Variants in LPIN1 observed in about 807,000 individuals in gnomAD.
LPIN1 encodes phosphatidate phosphatase LPIN1.
Under a neutral mutation model 107.5 loss-of-function variants are expected in LPIN1, and 71 were observed. That is an observed-to-expected ratio of 0.66 (90% CI 0.55 to 0.80). The LOEUF is 0.80. Among genes scored for constraint, LPIN1 ranks in the 30% least tolerant of loss-of-function variants. The probability of loss-of-function intolerance (pLI) is 0.00; values close to 1 mark genes in which losing one functional copy is unlikely to be tolerated. For synonymous variants in LPIN1, 445 were observed against 452.6 expected (o/e 0.98, Z 0.21); for missense variants, 1,043 against 1,160.6 (o/e 0.90, Z 1.47).
At chr2:11,713,718 A>T in intron 1 of LPIN1, 1 of 1,241,214 alleles carries the variant, frequency 8.1e-7, no homozygotes, top group African/African-American at 1.5e-5. Flanking sequence ...ATTCCAGAAC[A>T]TTTCTATTAA....
At chr2:11,679,093 C>G (rs191364100) in intron 1 of LPIN1, among the ~76,000 whole-genome samples, 1 of 152,226 alleles carries the variant, frequency 6.6e-6, no homozygotes, top group African/African-American at 2.4e-5. Context: ...TCTCATGCCC[C>G]GCAGGACTGA....
rs1039266461 is a variant in LPIN1 at position 11,785,001 on chromosome 2, G to A, written c.1474G>A (p.Asp492Asn). Residue 492 changes from aspartate to asparagine, a missense_variant, in exon 10 of 21, where the codon GAC becomes AAC. Coordinates refer to ENST00000674199, the MANE Select transcript of LPIN1 (RefSeq NM_001349206.2). ...GVDSGVESTS[D>N]GLRDLPSIAI... is the part of the protein sequence containing the mutation. Reference sequence around the variant, plus strand: ...GGACAGTGGCGTGGAGAGCACCTCGGACGGGCTGAGGGACCTCCCTTCCAT... The same window carrying A: ...GGACAGTGGCGTGGAGAGCACCTCGAACGGGCTGAGGGACCTCCCTTCCAT... 4 of 1,613,218 alleles carry A rather than the reference G, an allele frequency of 2.5e-6. No individual in the cohort carries two copies. The highest frequency in any genetic ancestry group is 3.4e-6 in the Non-Finnish European group (4 of 1,179,676).
intron 13 of LPIN1, chr2:11,792,376 C>A: frequency 4.2e-6 from 1 of 236,300 alleles, no homozygotes; most frequent in Non-Finnish European, 8.5e-6. Flanking sequence ...TCTTTTTCTC[C>A]CCTCCCCTCC....
chr2:11,762,585 C>T (rs894057949), intron 1 of LPIN1, among the ~76,000 whole-genome samples: 1 of 152,126 alleles, frequency 6.6e-6, no homozygotes, highest in South Asian at 2.1e-4. Flanking sequence ...TGACAGAAGA[C>T]ACTCCTTTCA....
At chr2:11,688,288 C>T (rs1662105230) in intron 1 of LPIN1, among the ~76,000 whole-genome samples, 2 of 152,182 alleles carry the variant, frequency 1.3e-5, no homozygotes, top group African/African-American at 2.4e-5. Flanking sequence ...CCAGCTCCAC[C>T]CTCCCTCTCC....
At chr2:11,782,634 C>A in intron 8 of LPIN1, 127 bp downstream of exon 8, 1 of 1,041,126 alleles carries the variant, frequency 9.6e-7, no homozygotes, top group South Asian at 1.4e-5. Context: ...TGATCATGTT[C>A]AGTCTGAGCT....
chr2:11,720,982 C>T (rs1664091503), upstream of LPIN1, among the ~76,000 whole-genome samples: 1 of 152,088 alleles, frequency 6.6e-6, no homozygotes, highest in African/African-American at 2.4e-5. Flanking sequence ...CTGCCTCCCT[C>T]TCTTCCATTT....
chr2:11,695,342 C>T (rs762403714), intron 1 of LPIN1, among the ~76,000 whole-genome samples: 19 of 152,254 alleles, frequency 1.2e-4, no homozygotes, highest in Non-Finnish European at 1.9e-4. Flanking sequence ...CAACCATGGT[C>T]GGCAGCTTCA....
chr2:11,734,104 C>A (rs1391987132), intron 1 of LPIN1, among the ~76,000 whole-genome samples: 4 of 152,194 alleles, frequency 2.6e-5, no homozygotes, highest in Non-Finnish European at 2.9e-5. Context: ...TCAAAACAGA[C>A]CAGTTTGTAT....
At chr2:11,784,648 A>C (rs902350788) in intron 9 of LPIN1, 1 of 588,738 alleles carries the variant, frequency 1.7e-6, no homozygotes, top group East Asian at 3.0e-5. Context: ...CTTCTTCTTC[A>C]GTATATTTTA....
intron 20 of LPIN1, among the ~76,000 whole-genome samples, 173 bp downstream of exon 20, chr2:11,820,687 A>C (rs1388150148): frequency 1.3e-5 from 2 of 152,256 alleles, no homozygotes; most frequent in East Asian, 3.8e-4. Flanking sequence ...CATAATTTTT[A>C]GACAACTGGA....
chr2:11,713,942 G>A (rs925150703), intron 2 of LPIN1: 25 of 585,130 alleles, frequency 4.3e-5, no homozygotes, highest in Non-Finnish European at 6.5e-5. Flanking sequence ...ATTCCTTTCC[G>A]CTGATGCTTT....
At chr2:11,688,888 T>C (rs1352669019) in intron 1 of LPIN1, among the ~76,000 whole-genome samples, 1 of 152,186 alleles carries the variant, frequency 6.6e-6, no homozygotes, top group East Asian at 1.9e-4. Flanking sequence ...TGATAGGCAC[T>C]TCGCAGTTAA....
At chr2:11,784,083 T>C in intron 9 of LPIN1, 161 bp downstream of exon 9, 1 of 1,205,872 alleles carries the variant, frequency 8.3e-7, no homozygotes, top group Non-Finnish European at 1.1e-6. Flanking sequence ...GGTGGGCGGA[T>C]CACTTGAGGT....
intron 1 of LPIN1, among the ~76,000 whole-genome samples, chr2:11,693,203 A>ATTTTTT (rs34503437): frequency 7.4e-6 from 1 of 135,226 alleles, no homozygotes; most frequent in African/African-American, 2.8e-5. Flanking sequence ...CCTGAACAAC[A>ATTTTTT]TTTTTTTTTT....
intron 1 of LPIN1, among the ~76,000 whole-genome samples, chr2:11,680,481 C>G (rs559308879): frequency 1.5e-3 from 233 of 152,122 alleles, no homozygotes; most frequent in Middle Eastern, 3.4e-3. Flanking sequence ...TGCAGGAGGT[C>G]AAGGTGGAAT....
rs374562446 is a variant in LPIN1 at position 11,788,493 on chromosome 2, A to G, written c.1713+37A>G. 332 of 1,476,406 alleles carry G rather than the reference A, an allele frequency of 2.2e-4. No homozygotes were observed. The African/African-American group carries it at 4.4e-3, about 20-fold the overall frequency. The allele number at this position is 1,476,406 out of a possible 1,614,324, so 91.5% of individuals were successfully genotyped here. On this transcript the variant is annotated intron_variant, in intron 12 of 20. Transcript: ENST00000674199. ...CATGAGAAAGAAAAGGGGATGCTAG[A>G]AATGATGGGTAGCTTAATCTGGGGT...
chr2:11,705,088 TC>T (rs1265431875), intron 1 of LPIN1, among the ~76,000 whole-genome samples: 2 of 152,200 alleles, frequency 1.3e-5, no homozygotes, highest in Non-Finnish European at 2.9e-5. Flanking sequence ...ACCACCTTCA[TC>T]TTTTTCACTG....
intron 1 of LPIN1, among the ~76,000 whole-genome samples, chr2:11,690,327 A>C (rs7598716): frequency 0.54 from 81,552 of 151,992 alleles, 22,771 homozygotes; most frequent in African/African-American, 0.7. Context: ...TTATAAAATT[A>C]TAGGTCAACA....
Sources: allele counts gnomAD v4.1 joint callset (sites outside exome capture counted in the v4.1 genomes callset), GRCh38; gene constraint gnomAD v4.1.1; transcripts MANE v1.5; gene names NCBI Gene and HGNC (gene_info 2026-07-23, HGNC 2026-07-21).